The following PARP12 variants were observed in gnomAD, a reference collection of about 807,000 sequenced individuals.
The protein encoded by PARP12 is poly(ADP-ribose) polymerase family member 12.
A neutral mutation model predicts 72.4 loss-of-function variants in PARP12; 59 were observed. That is an observed-to-expected ratio of 0.81 (90% CI 0.66 to 1.01). PARP12 has a LOEUF of 1.01. Among genes scored for constraint, PARP12 ranks in the 50% least tolerant of loss-of-function variants. The probability of loss-of-function intolerance (pLI) is 0.00; values close to 1 mark genes in which losing one functional copy is unlikely to be tolerated. For missense variants in PARP12, 851 were observed against 914.0 expected, an observed-to-expected ratio of 0.93 and a Z score of 0.89; for synonymous variants, 403 against 371.4, an observed-to-expected ratio of 1.09 and a Z score of -0.98.
intron 1 of PARP12, among the ~76,000 whole-genome samples, chr7:140,060,619 G>C (rs1481147453): frequency 6.6e-6 from 1 of 152,168 alleles, no homozygotes; most frequent in East Asian, 1.9e-4. Flanking sequence ...ACTAGCTTAA[G>C]AACAGGGCTG....
intron 6 of PARP12, among the ~76,000 whole-genome samples, chr7:140,040,528 A>G (rs1816418188): frequency 6.6e-6 from 1 of 152,136 alleles, no homozygotes. Context: ...GCCAATGTCT[A>G]TTTCCTGAGG....
At position 140,023,864 on chromosome 7, in the gene PARP12, T is replaced by C. The variant is rs1815622322; in HGVS notation, c.*696A>G. 3 of 156,256 alleles carry C rather than the reference T, an allele frequency of 1.9e-5. No homozygotes were observed. Among genetic ancestry groups the C allele is most frequent in the Admixed American group, 1.9e-4 (3 of 16,194 alleles). The allele number at this position is 156,256 out of a possible 1,614,324, so 9.7% of individuals were successfully genotyped here. On this transcript the variant is annotated 3_prime_UTR_variant, in exon 12 of 12. Transcript: ENST00000263549. ...AAGGGTGTCCAGTGTGCTTAGGAAA[T>C]GTGGGTTTGCGCAATCACAGGCCAA...
chr7:140,028,020 G>A (rs1425389794), intron 9 of PARP12, among the ~76,000 whole-genome samples: 1 of 152,212 alleles, frequency 6.6e-6, no homozygotes, highest in African/African-American at 2.4e-5. Context: ...CCAGGACAGG[G>A]ACCGTCACGT....
Position 140,041,806 on chromosome 7 carries a change from G to A in PARP12, c.1020C>T (p.His340=). 1 of 1,614,060 alleles carries A rather than the reference G, an allele frequency of 6.2e-7. No individual in the cohort carries two copies. ...TGGCGTTAAAGTTCAGACAATGAGA[G>A]TGAAAGGTACTGGCTGACTCAGAGC... ...ILCSESASTF[H]SHCLNFNAMT... The change falls in exon 6 of 12, where the codon CAC becomes CAT. Residue 340 remains histidine (H), a synonymous_variant. Coordinates refer to ENST00000263549, the MANE Select transcript of PARP12 (RefSeq NM_022750.4).
At chr7:140,046,275 A>T (rs2116609226) in intron 5 of PARP12, among the ~76,000 whole-genome samples, 1 of 152,354 alleles carries the variant, frequency 6.6e-6, no homozygotes, top group African/African-American at 2.4e-5. Flanking sequence ...CTCAAAAAGC[A>T]GGCTCAAATT....
Position 140,024,512 on chromosome 7 carries a change from G to C in PARP12, c.*48C>G. 6.3e-7 allele frequency: 1 copy of C among 1,584,976 alleles called. No homozygotes were observed. ...AAAAAGAAAAGGAAAGGCCCAAATA[G>C]CCATTTCAAGGCAGAGCAGGTGAAA... On this transcript the variant is annotated 3_prime_UTR_variant, in exon 12 of 12. Transcript: ENST00000263549.
At chr7:140,035,915 AAG>A (rs1569526852) in intron 7 of PARP12, among the ~76,000 whole-genome samples, 3,078 of 56,476 alleles carry the variant, frequency 0.055, 549 homozygotes, top group African/African-American at 0.14. Context: ...GGAGGAGGAC[AAG>A]GAGGAGGACA....
rs145023463 is a variant in PARP12, at chr7:140,026,309, G to T, written c.1668C>A (p.Ala556=). ...CGTGGAACAGCTGCCGCTCGTCCAC[G>T]GCCTTCCCTCCGTTCTGCTTCTGCA... ...GQMQKQNGGK[A]VDERQLFHGT... is the part of the protein sequence containing the mutation. The change falls in exon 11 of 12, where the codon GCC becomes GCA. Residue 556 remains alanine, a synonymous_variant. Coordinates refer to ENST00000263549, the MANE Select transcript of PARP12 (RefSeq NM_022750.4). The T allele has an allele frequency of 1.6e-5, 26 of 1,612,824 alleles. No individual in the cohort carries two copies. The highest frequency in any genetic ancestry group is 2.1e-5 in the Non-Finnish European group (25 of 1,180,036).
In PARP12 at chr7:140,034,254, C is replaced by G; in HGVS notation, c.1402G>C (p.Val468Leu). Reference protein sequence around the residue: ...RRPKYVSPQDVTTMQTCNTKF... With the variant: ...RRPKYVSPQDLTTMQTCNTKF... ...ACCTACCAGGTTTGCATGGTCGTCA[C>G]ATCCTGGGGAGACACGTATTTGGGT... is the stretch of plus-strand genomic sequence containing the variant. The change falls in exon 8 of 12, where the codon GTG becomes CTG. Residue 468 changes from valine (V) to leucine (L), a missense_variant. Physicochemically the swap from Val to Leu is conservative, Grantham distance 32. This residue lies in a region of PARP12 where 347 missense variants were observed against 396.1 expected (regional missense o/e 0.88). Coordinates refer to ENST00000263549, the MANE Select transcript of PARP12 (RefSeq NM_022750.4). 1 of 1,613,124 alleles carries G rather than the reference C, an allele frequency of 6.2e-7. No individual in the cohort carries two copies. The highest frequency in any genetic ancestry group is 8.5e-7 in the Non-Finnish European group (1 of 1,179,406).
chr7:140,047,028 A>G, intron 4 of PARP12, 21 bp from the exon 5 acceptor site: 1 of 1,602,882 alleles, frequency 6.2e-7, no homozygotes, highest in Non-Finnish European at 8.5e-7. Context: ...AACATAAAGG[A>G]GTAAGATAGC....
chr7:140,033,363 A>G (rs1415365335), intron 8 of PARP12: 1 of 985,308 alleles, frequency 1.0e-6, no homozygotes, highest in African/African-American at 1.7e-5. Flanking sequence ...CAAAAGAACC[A>G]AAAGAGACAT....
At chr7:140,062,437 T>A in intron 1 of PARP12, 85 bp downstream of exon 1, 1 of 1,360,476 alleles carries the variant, frequency 7.4e-7, no homozygotes, top group African/African-American at 1.5e-5. Flanking sequence ...CTGCTCAAAC[T>A]TCAAGTAGGA....
intron 8 of PARP12, among the ~76,000 whole-genome samples, chr7:140,029,682 C>T (rs1218713933): frequency 6.6e-6 from 1 of 151,960 alleles, no homozygotes; most frequent in Non-Finnish European, 1.5e-5. Flanking sequence ...ATGCAAGGAA[C>T]AGGAAACTAT....
At chr7:140,054,951 C>T (rs539828828) in intron 3 of PARP12, among the ~76,000 whole-genome samples, 188 bp from the exon 4 acceptor site, 7 of 152,336 alleles carry the variant, frequency 4.6e-5, no homozygotes, top group South Asian at 2.1e-4. Flanking sequence ...GGCAGCCTGA[C>T]GCCACATGGC....
Position 140,056,943 on chromosome 7 carries a change from T to A in PARP12, c.673A>T (p.Thr225Ser), listed in dbSNP as rs778306089. 1 of 1,613,996 alleles carries A rather than the reference T, an allele frequency of 6.2e-7. No homozygotes were observed. Among genetic ancestry groups the A allele is most frequent in the Non-Finnish European group, 8.5e-7 (1 of 1,180,046 alleles). ...ATGTCATGTGCATTTCTATAAATGG[T>A]AGGCAGCCTGCTCACCAGGTCTGAG... ...MSSDLVSRLP[T>S]IYRNAHDIKN... The change falls in exon 3 of 12, where the codon ACC becomes TCC. Residue 225 changes from threonine to serine, a missense_variant. Thr to Ser is a moderately conservative substitution (Grantham distance 58). Coordinates refer to ENST00000263549, the MANE Select transcript of PARP12 (RefSeq NM_022750.4).
rs559958782 is a variant in PARP12, at chr7:140,047,912, G to A, written c.863-905C>T. ...ATTACAAGTGTGAGCCACCACACCT[G>A]GCAATTTTTTAGAAATATGTATGTT... On this transcript the variant is annotated intron_variant, in intron 4 of 11. Coordinates refer to ENST00000263549, the MANE Select transcript of PARP12 (RefSeq NM_022750.4). Among the ~76,000 whole-genome samples, 5 of 152,250 alleles carry A rather than the reference G, an allele frequency of 3.3e-5. No individual in the cohort carries two copies. The South Asian group carries it at 1.0e-3, about 32-fold the overall frequency.
At chr7:140,044,439 C>T (rs1816631729) in intron 5 of PARP12, among the ~76,000 whole-genome samples, 1 of 152,086 alleles carries the variant, frequency 6.6e-6, no homozygotes, top group South Asian at 2.1e-4. Context: ...ATTGGAGTGA[C>T]GCGTCTACAA....
chr7:140,037,627 T>C (rs1816261479), intron 7 of PARP12, 88 bp downstream of exon 7: 1 of 1,554,732 alleles, frequency 6.4e-7, no homozygotes, highest in Non-Finnish European at 8.8e-7. Context: ...AGGCCCTCAG[T>C]ATGTGCACAC....
chr7:140,038,630 A>G (rs1359758239), intron 6 of PARP12, among the ~76,000 whole-genome samples: 1 of 152,174 alleles, frequency 6.6e-6, no homozygotes, highest in Non-Finnish European at 1.5e-5. Flanking sequence ...TACTCAATAA[A>G]TGTTACTATT....
Sources: allele counts gnomAD v4.1 joint callset (sites outside exome capture counted in the v4.1 genomes callset), GRCh38; gene constraint gnomAD v4.1.1; regional missense constraint gnomAD v4.1.1; transcripts MANE v1.5; gene names NCBI Gene and HGNC (gene_info 2026-07-23, HGNC 2026-07-21).